Variants in DGCR2 observed in about 807,000 individuals in gnomAD.
DGCR2 encodes the protein integral membrane protein DGCR2/IDD.
DGCR2 carries 24 observed loss-of-function variants against 51.6 expected under a neutral mutation model. That is an observed-to-expected ratio of 0.47 (90% confidence interval 0.34 to 0.65). The LOEUF (loss-of-function observed/expected upper bound fraction) is 0.65. DGCR2 is among the 30% of genes least tolerant of loss of function. DGCR2 has a pLI of 0.01. For missense variants in DGCR2, 765 were observed against 772.1 expected (o/e 0.99, Z 0.11); for synonymous variants, 340 against 315.4 (o/e 1.08, Z -0.82).
At chr22:19,042,413 G>C (rs1023803895) in intron 7 of DGCR2, among the ~76,000 whole-genome samples, 2 of 152,238 alleles carry the variant, frequency 1.3e-5, no homozygotes, top group Admixed American at 1.3e-4. Context: ...TTTTGTCTGA[G>C]GCCTGGGCTC....
At chr22:19,070,346 C>T (rs2238752) in intron 2 of DGCR2, among the ~76,000 whole-genome samples, 75,073 of 151,998 alleles carry the variant, frequency 0.49, 19,672 homozygotes, top group African/African-American at 0.68. Flanking sequence ...CAGACATATC[C>T]GGGATAAACC....
At chr22:19,093,791 G>A (rs2083107058) in intron 1 of DGCR2, among the ~76,000 whole-genome samples, 1 of 152,050 alleles carries the variant, frequency 6.6e-6, no homozygotes, top group Non-Finnish European at 1.5e-5. Flanking sequence ...GAGCCCAGGA[G>A]TTCAAAACCA....
chr22:19,080,159 G>A (rs2082920448), intron 2 of DGCR2, among the ~76,000 whole-genome samples: 1 of 152,166 alleles, frequency 6.6e-6, no homozygotes, highest in Non-Finnish European at 1.5e-5. Flanking sequence ...AGACAGGCCT[G>A]AGCATCCTAC....
At chr22:19,113,502 C>T (rs2083339737) in intron 1 of DGCR2, among the ~76,000 whole-genome samples, 1 of 152,082 alleles carries the variant, frequency 6.6e-6, no homozygotes, top group African/African-American at 2.4e-5. Context: ...TAGCAATAAA[C>T]ACATCTACCA....
chr22:19,107,074 G>A (rs748036842), intron 1 of DGCR2, among the ~76,000 whole-genome samples: 5 of 152,334 alleles, frequency 3.3e-5, no homozygotes, highest in Admixed American at 2.0e-4. Context: ...TCCTGCTGTG[G>A]TTTTGAAATA....
At chr22:19,047,414 C>T (rs1488229244) in intron 7 of DGCR2, 1 of 152,234 alleles carries the variant, frequency 6.6e-6, no homozygotes, top group East Asian at 1.9e-4. Flanking sequence ...CCCCTAGAGA[C>T]AGAGATGGCC....
chr22:19,102,794 C>A (rs1255849472), intron 1 of DGCR2, among the ~76,000 whole-genome samples: 1 of 152,068 alleles, frequency 6.6e-6, no homozygotes, highest in African/African-American at 2.4e-5. Context: ...TCGCTTGAAG[C>A]CAGGAGTTTG....
intron 1 of DGCR2, among the ~76,000 whole-genome samples, chr22:19,092,903 G>C (rs971653545): frequency 2.0e-5 from 3 of 148,756 alleles, no homozygotes; most frequent in Admixed American, 6.7e-5. Flanking sequence ...ATGAAGAGGA[G>C]GAGGAGGAGG....
intron 1 of DGCR2, among the ~76,000 whole-genome samples, chr22:19,112,017 AAT>A (rs2083320935): frequency 6.6e-6 from 1 of 152,182 alleles, no homozygotes; most frequent in Non-Finnish European, 1.5e-5. Flanking sequence ...TCATGCCTAT[AAT>A]CCCAGCACTT....
chr22:19,102,037 AGAGT>A (rs1268251157), intron 1 of DGCR2, among the ~76,000 whole-genome samples: 8 of 152,228 alleles, frequency 5.3e-5, no homozygotes, highest in Admixed American at 2.6e-4. Context: ...CCTGGGTGAA[AGAGT>A]GAGACAAAAA....
chr22:19,107,823 A>G (rs2083274321), intron 1 of DGCR2, among the ~76,000 whole-genome samples: 1 of 152,228 alleles, frequency 6.6e-6, no homozygotes, highest in Non-Finnish European at 1.5e-5. Flanking sequence ...CTCGCATCTG[A>G]TGTAAACATC....
At chr22:19,048,863 C>T (rs2082519120) in intron 6 of DGCR2, among the ~76,000 whole-genome samples, 1 of 152,200 alleles carries the variant, frequency 6.6e-6, no homozygotes, top group Admixed American at 6.5e-5. Flanking sequence ...GCAAACACTG[C>T]CATCACTGCT....
At position 19,039,012 on chromosome 22, in the gene DGCR2, G is replaced by C. The variant is rs1224871457; in HGVS notation, c.1506C>G (p.Ala502=). The C allele has an allele frequency of 6.2e-7, 1 of 1,612,476 alleles. No homozygotes were observed. Among genetic ancestry groups the C allele is most frequent in the African/African-American group, 1.3e-5 (1 of 74,954 alleles). The change falls in exon 10 of 10, where the codon GCC becomes GCG. Residue 502 remains alanine (A), a synonymous_variant. Transcript: ENST00000263196. ...CAGAGTCTTCCAGGTCTGCCAGAGAGGCCCCCGCAGTGGGCAGAGGCTGCT... is the reference window on the plus strand; with the variant it reads ...CAGAGTCTTCCAGGTCTGCCAGAGACGCCCCCGCAGTGGGCAGAGGCTGCT... The part of the protein sequence containing the change: ...RLEQPLPTAG[A]SLADLEDSAD...
At chr22:19,065,120 G>A in intron 3 of DGCR2, 53 bp from the exon 4 acceptor site, 1 of 1,482,974 alleles carries the variant, frequency 6.7e-7, no homozygotes, top group Non-Finnish European at 9.3e-7. Context: ...CTCCAAAATG[G>A]AAATTATATG....
At chr22:19,063,539 C>T (rs1391772845) in intron 4 of DGCR2, among the ~76,000 whole-genome samples, 6 of 148,724 alleles carry the variant, frequency 4.0e-5, no homozygotes, top group Admixed American at 2.0e-4. Flanking sequence ...TTAGTAGAGA[C>T]GGGGTTTCAC....
At chr22:19,093,316 T>G (rs2083100751) in intron 1 of DGCR2, among the ~76,000 whole-genome samples, 2 of 147,562 alleles carry the variant, frequency 1.4e-5, no homozygotes, top group South Asian at 2.1e-4. Flanking sequence ...GCCGAGATAG[T>G]GCCATTGCAC....
intron 1 of DGCR2, among the ~76,000 whole-genome samples, chr22:19,118,392 A>C (rs2083395746): frequency 6.6e-6 from 1 of 151,454 alleles, no homozygotes; most frequent in African/African-American, 2.4e-5. Context: ...AAAAAAAAAA[A>C]AAAAAACAAC....
intron 6 of DGCR2, among the ~76,000 whole-genome samples, chr22:19,051,280 C>T (rs1409418376): frequency 6.7e-6 from 1 of 149,262 alleles, no homozygotes; most frequent in East Asian, 2.0e-4. Context: ...TTTGGGTAAA[C>T]TTATACTGCC....
chr22:19,046,566 A>C (rs715539), intron 7 of DGCR2: 41,345 of 169,652 alleles, frequency 0.24, 6,106 homozygotes, highest in African/African-American at 0.43. Context: ...GGGTGGCAAG[A>C]GTAGACACTC....
Sources: allele counts gnomAD v4.1 joint callset (sites outside exome capture counted in the v4.1 genomes callset), GRCh38; gene constraint gnomAD v4.1.1; transcripts MANE v1.5; gene names NCBI Gene and HGNC (gene_info 2026-07-23, HGNC 2026-07-21).